The following SLC4A10 variants were observed in gnomAD, a reference collection of about 807,000 sequenced individuals.
SLC4A10 encodes the protein sodium-driven chloride bicarbonate exchanger.
A neutral mutation model predicts 137.7 loss-of-function variants in SLC4A10; 42 were observed. That is an observed-to-expected ratio of 0.30 (90% CI 0.24 to 0.39). The LOEUF (loss-of-function observed/expected upper bound fraction) is 0.39. Among genes scored for constraint, SLC4A10 ranks in the 10% least tolerant of loss-of-function variants. The pLI, the probability that SLC4A10 is intolerant of heterozygous loss-of-function variation, is 1.00. For synonymous variants in SLC4A10, 474 were observed against 464.1 expected (o/e 1.02, Z -0.27); for missense variants, 925 against 1,355.0 (o/e 0.68, Z 4.98).
chr2:161,812,722 T>C (rs1181465638), intron 3 of SLC4A10, among the ~76,000 whole-genome samples: 1 of 152,160 alleles, frequency 6.6e-6, no homozygotes, highest in Non-Finnish European at 1.5e-5. Flanking sequence ...GGCTGCACAG[T>C]ATTCCATGGT....
At position 161,679,574 on chromosome 2, in the gene SLC4A10, G is replaced by A. The variant is rs1402880351; in HGVS notation, c.48+55008G>A. 4.6e-5 allele frequency among the ~76,000 whole-genome samples: 7 copies of A among 151,974 alleles called. No individual in the cohort carries two copies. The South Asian group carries it at 1.5e-3, about 31-fold the overall frequency. ...TAGTGTTCCTCAAGTTACCTTTAGA[G>A]ATTTTTTCCCTCAGTTTCTCATATT... On this transcript the variant is annotated intron_variant, in intron 1 of 26. Transcript: ENST00000446997.
chr2:161,933,644 C>T (rs899380741), intron 15 of SLC4A10, among the ~76,000 whole-genome samples: 1 of 152,176 alleles, frequency 6.6e-6, no homozygotes. Flanking sequence ...ATCCTCCTGC[C>T]TTGGCCTCCC....
chr2:161,795,639 T>G (rs1433962335), intron 2 of SLC4A10, among the ~76,000 whole-genome samples: 1 of 152,160 alleles, frequency 6.6e-6, no homozygotes, highest in African/African-American at 2.4e-5. Flanking sequence ...GCAGTATTGT[T>G]AGCTATAGGC....
At chr2:161,732,120 C>G (rs1453245679) in intron 1 of SLC4A10, among the ~76,000 whole-genome samples, 1 of 152,182 alleles carries the variant, frequency 6.6e-6, no homozygotes. Context: ...TATTCAGAAA[C>G]ACCCTTATCC....
At chr2:161,700,392 A>G (rs1380658459) in intron 1 of SLC4A10, among the ~76,000 whole-genome samples, 4 of 152,134 alleles carry the variant, frequency 2.6e-5, no homozygotes, top group African/African-American at 4.8e-5. Flanking sequence ...AATGTTTCCA[A>G]TGTTGAAAAT....
intron 3 of SLC4A10, among the ~76,000 whole-genome samples, chr2:161,828,802 A>ATATATG (rs2058217749): frequency 8.4e-6 from 1 of 118,588 alleles, no homozygotes; most frequent in Admixed American, 9.4e-5. Context: ...ATATATATAT[A>ATATATG]TATATATGTA....
chr2:161,710,436 AT>A (rs1373112046), intron 1 of SLC4A10, among the ~76,000 whole-genome samples: 5 of 150,828 alleles, frequency 3.3e-5, no homozygotes, highest in Non-Finnish European at 7.4e-5. Flanking sequence ...TGTTAGTGGC[AT>A]TTAAATGAGG....
intron 1 of SLC4A10, among the ~76,000 whole-genome samples, chr2:161,689,827 A>G (rs1233695322): frequency 6.6e-6 from 1 of 152,160 alleles, no homozygotes; most frequent in African/African-American, 2.4e-5. Flanking sequence ...AGCAAAACAA[A>G]TATATCTTTT....
intron 1 of SLC4A10, among the ~76,000 whole-genome samples, chr2:161,693,771 G>T (rs1156940268): frequency 1.3e-5 from 2 of 148,162 alleles, no homozygotes; most frequent in African/African-American, 5.0e-5. Context: ...TGCCCTTCAG[G>T]TTCATCCATG....
chr2:161,731,618 T>A (rs1321623075), intron 1 of SLC4A10, among the ~76,000 whole-genome samples: 1 of 152,140 alleles, frequency 6.6e-6, no homozygotes, highest in East Asian at 1.9e-4. Context: ...AAACTAAAAT[T>A]AGTTTAACTT....
intron 15 of SLC4A10, among the ~76,000 whole-genome samples, chr2:161,906,225 C>CT (rs1457286195): frequency 6.6e-6 from 1 of 152,060 alleles, no homozygotes; most frequent in East Asian, 1.9e-4. Flanking sequence ...ATTTCAGGGT[C>CT]TTTTTAATTT....
intron 1 of SLC4A10, among the ~76,000 whole-genome samples, chr2:161,762,964 TACTA>T (rs2050404856): frequency 6.6e-6 from 1 of 152,132 alleles, no homozygotes; most frequent in African/African-American, 2.4e-5. Flanking sequence ...TTAATGAAGA[TACTA>T]ACCCATAGAT....
chr2:161,761,744 A>G (rs1422942672), intron 1 of SLC4A10, among the ~76,000 whole-genome samples: 2 of 152,174 alleles, frequency 1.3e-5, no homozygotes, highest in East Asian at 1.9e-4. Context: ...GTATAACACT[A>G]TATGTTGTGA....
intron 2 of SLC4A10, among the ~76,000 whole-genome samples, chr2:161,801,622 C>T (rs2055372821): frequency 6.6e-6 from 1 of 152,096 alleles, no homozygotes; most frequent in South Asian, 2.1e-4. Flanking sequence ...TTGACGCTTT[C>T]TTCAACAGTT....
At chr2:161,787,432 T>C (rs1221399106) in intron 2 of SLC4A10, among the ~76,000 whole-genome samples, 1 of 152,144 alleles carries the variant, frequency 6.6e-6, no homozygotes, top group African/African-American at 2.4e-5. Context: ...CTTGCAAGTG[T>C]TTTCTGAATT....
intron 26 of SLC4A10, among the ~76,000 whole-genome samples, chr2:161,980,279 T>C (rs1173578652): frequency 2.0e-5 from 3 of 152,222 alleles, no homozygotes; most frequent in African/African-American, 7.2e-5. Flanking sequence ...ACCACCTTTT[T>C]CTATCCCAGA....
At chr2:161,783,092 C>G (rs1447029210) in intron 2 of SLC4A10, among the ~76,000 whole-genome samples, 1 of 151,934 alleles carries the variant, frequency 6.6e-6, no homozygotes, top group Admixed American at 6.6e-5. Flanking sequence ...GGAAAAGTTA[C>G]TTGTCGGGTA....
Position 161,984,537 on chromosome 2 carries a change from G to A in SLC4A10, c.*1385G>A, listed in dbSNP as rs905004825. 6.6e-6 allele frequency: 1 copy of A among 151,994 alleles called. No individual in the cohort carries two copies. The highest frequency in any genetic ancestry group is 2.4e-5 in the African/African-American group (1 of 41,396). The allele number at this position is 151,994 out of a possible 1,614,324, so 9.4% of individuals were successfully genotyped here. On this transcript the variant is annotated 3_prime_UTR_variant, in exon 27 of 27. Coordinates refer to ENST00000446997, the MANE Select transcript of SLC4A10 (RefSeq NM_001178015.2). ...GTGGCTTTTACACACCGTTAATTAT[G>A]TACTCTGTTGGAAGTGCACATGAAA...
intron 2 of SLC4A10, 94 bp downstream of exon 2, chr2:161,771,148 G>C: frequency 1.1e-6 from 1 of 908,088 alleles, no homozygotes; most frequent in Non-Finnish European, 1.7e-6. Flanking sequence ...AATTGCAAAA[G>C]TTGGTATCAG....
Sources: gnomAD v4.1 joint callset for allele counts (sites outside exome capture counted in the v4.1 genomes callset) on GRCh38, gnomAD v4.1.1 for gene constraint, MANE v1.5 for transcripts, NCBI Gene and HGNC (gene_info 2026-07-23, HGNC 2026-07-21) for gene names.